The following VSIG10 variants were observed in gnomAD, a reference collection of about 807,000 sequenced individuals.
VSIG10 encodes the protein V-set and immunoglobulin domain containing 10.
VSIG10 carries 48 observed loss-of-function variants against 58.7 expected under a neutral mutation model. The observed-to-expected ratio is 0.82, with a 90% confidence interval of 0.65 to 1.04. The LOEUF (loss-of-function observed/expected upper bound fraction) is 1.04, where lower values mean the gene tolerates loss of function less well. Ranked by LOEUF, VSIG10 falls within the 50% of genes least tolerant of loss-of-function variation. VSIG10 has a pLI of 0.00. For synonymous variants in VSIG10, 260 were observed against 267.1 expected (o/e 0.97, Z 0.26); for missense variants, 628 against 670.0 (o/e 0.94, Z 0.69).
In VSIG10 at chr12:118,089,519, G is replaced by A. The variant is rs991036030; in HGVS notation, c.361+6014C>T. ...AGGAAGCGATGACTAATTATTTTGG[G>A]CAGGTGGACTGAGGGAGACCAGCCA... is the stretch of plus-strand genomic sequence containing the variant. On this transcript the variant is annotated intron_variant, in intron 2 of 8. Transcript: ENST00000359236. Among the ~76,000 whole-genome samples, 5 of 152,264 alleles carry A rather than the reference G, an allele frequency of 3.3e-5. No individual in the cohort carries two copies. In the East Asian group the frequency reaches 9.6e-4, roughly 29 times the overall value.
chr12:118,080,457 G>T (rs2032908114), intron 3 of VSIG10, among the ~76,000 whole-genome samples: 1 of 152,116 alleles, frequency 6.6e-6, no homozygotes, highest in African/African-American at 2.4e-5. Flanking sequence ...ACCGCGCTCA[G>T]CCCCACTCTG....
chr12:118,084,278 G>T (rs1251781667), intron 2 of VSIG10, among the ~76,000 whole-genome samples: 2 of 152,116 alleles, frequency 1.3e-5, no homozygotes, highest in African/African-American at 4.8e-5. Flanking sequence ...AGCTGCAAAA[G>T]GTTCATTTAC....
chr12:118,097,357 T>C (rs1212944582), intron 1 of VSIG10, among the ~76,000 whole-genome samples: 1 of 152,212 alleles, frequency 6.6e-6, no homozygotes, highest in East Asian at 1.9e-4. Flanking sequence ...CTCATGCCTG[T>C]AATTCCAGCA....
At chr12:118,087,855 A>AAAAAAAGAG (rs766337791) in intron 2 of VSIG10, among the ~76,000 whole-genome samples, 5 of 131,234 alleles carry the variant, frequency 3.8e-5, no homozygotes, top group Non-Finnish European at 8.2e-5. Context: ...AAAAAAAAAA[A>AAAAAAAGAG]AGAGAGAGAA....
At chr12:118,068,229 C>A in intron 8 of VSIG10, 148 bp downstream of exon 8, 2 of 300,480 alleles carry the variant, frequency 6.7e-6, no homozygotes, top group Non-Finnish European at 6.1e-6. Context: ...GAGACAGAGT[C>A]TCACCATGTT....
At chr12:118,098,212 G>C (rs1481132243) in intron 1 of VSIG10, among the ~76,000 whole-genome samples, 1 of 151,984 alleles carries the variant, frequency 6.6e-6, no homozygotes, top group Non-Finnish European at 1.5e-5. Flanking sequence ...TGTTTCCACT[G>C]TCCCACTGCT....
chr12:118,071,390 CA>C lies in VSIG10; in HGVS notation c.1298del (p.Leu433ArgfsTer12). On this transcript the variant is annotated frameshift_variant, in exon 6 of 9. Transcript: ENST00000359236. LOFTEE classifies it high-confidence loss of function. ...LLGLAIISGL[L>X]LHYSPVFCWK... ...AGCAGAACACAGGGCTATAATGCAACAGAAGCCCTGAGATAATGGCCAGTCC... is the reference window on the plus strand; with the variant it reads ...AGCAGAACACAGGGCTATAATGCAACGAAGCCCTGAGATAATGGCCAGTCC... The C allele has an allele frequency of 2.5e-6, 4 of 1,613,866 alleles. No individual in the cohort carries two copies. The highest frequency in any genetic ancestry group is 3.4e-6 in the Non-Finnish European group (4 of 1,179,850).
intron 2 of VSIG10, 142 bp from the exon 3 acceptor site, chr12:118,082,571 C>A: frequency 1.2e-6 from 1 of 840,448 alleles, no homozygotes; most frequent in Non-Finnish European, 1.8e-6. Context: ...AAATGCTATG[C>A]CAAGTGCCCT....
Position 118,066,548 on chromosome 12 carries a change from G to A in VSIG10, c.*91C>T. 1 of 1,444,406 alleles carries A rather than the reference G, an allele frequency of 6.9e-7. No homozygotes were observed. 89.5% of individuals were successfully genotyped at this position (1,444,406 alleles called of 1,614,324 possible). A position where few individuals can be genotyped will look rare whatever the true frequency, so the allele number is the denominator to read the frequency against. ...TTGTTAGTGCAAGCCCCCGCCAGGG[G>A]TGCAGGTGGAGTCAAAGCTGAATGA... On this transcript the variant is annotated 3_prime_UTR_variant, in exon 9 of 9. Coordinates refer to ENST00000359236, the MANE Select transcript of VSIG10 (RefSeq NM_019086.6).
At chr12:118,097,317 T>C (rs1412604595) in intron 1 of VSIG10, among the ~76,000 whole-genome samples, 1 of 151,932 alleles carries the variant, frequency 6.6e-6, no homozygotes, top group Non-Finnish European at 1.5e-5. Flanking sequence ...GAAATGCAAA[T>C]CAAAACTGCA....
chr12:118,077,373 T>C (rs1331928549), intron 4 of VSIG10, among the ~76,000 whole-genome samples: 2 of 152,180 alleles, frequency 1.3e-5, no homozygotes, highest in Non-Finnish European at 2.9e-5. Flanking sequence ...CCTCTTCTTA[T>C]AAAGGCCTCC....
intron 1 of VSIG10, among the ~76,000 whole-genome samples, chr12:118,097,460 C>T (rs911724016): frequency 3.7e-4 from 56 of 151,448 alleles, no homozygotes; most frequent in African/African-American, 1.3e-3. Context: ...GCTAAAAATG[C>T]AAAAATTAGC....
In VSIG10 at chr12:118,095,768, C is replaced by A. The variant is rs775933866; in HGVS notation, c.126G>T (p.Leu42=). ...TCAGTCCCGAGATGTTGCCACAGTGCAGAGTAACATTCTCATGAACTTCTC... is the reference window on the plus strand; with the variant it reads ...TCAGTCCCGAGATGTTGCCACAGTGAAGAGTAACATTCTCATGAACTTCTC... ...VIGEVHENVT[L]HCGNISGLRG... Residue 42 remains leucine (L), a synonymous_variant, in exon 2 of 9, where the codon CTG becomes CTT. Transcript: ENST00000359236. The A allele has an allele frequency of 1.2e-6, 2 of 1,612,812 alleles. No homozygotes were observed. The highest frequency in any genetic ancestry group is 1.7e-5 in the Admixed American group (1 of 59,762).
intron 8 of VSIG10, among the ~76,000 whole-genome samples, chr12:118,067,344 C>T (rs1473130721): frequency 6.6e-6 from 1 of 152,060 alleles, no homozygotes; most frequent in Non-Finnish European, 1.5e-5. Flanking sequence ...TGTTGTCCAT[C>T]AGGCAATTAA....
At chr12:118,074,816 C>T (rs940189462) in intron 4 of VSIG10, among the ~76,000 whole-genome samples, 3 of 152,046 alleles carry the variant, frequency 2.0e-5, no homozygotes, top group Non-Finnish European at 4.4e-5. Flanking sequence ...TCTTGCAGTA[C>T]TTTTAAGTAT....
intron 4 of VSIG10, among the ~76,000 whole-genome samples, chr12:118,075,740 T>TA (rs1219638120): frequency 6.6e-6 from 1 of 151,962 alleles, no homozygotes; most frequent in Non-Finnish European, 1.5e-5. Flanking sequence ...AAGGCACTGT[T>TA]ACATGTATTA....
chr12:118,073,736 T>C lies in VSIG10; in HGVS notation c.1182A>G (p.Val394=). 6.2e-7 allele frequency: 1 copy of C among 1,613,808 alleles called. No individual in the cohort carries two copies. The highest frequency in any genetic ancestry group is 8.5e-7 in the Non-Finnish European group (1 of 1,179,810). ...GYYICRADSP[V]GVREMEIWLS... ...GCCAGATTTCCATCTCCCTCACCCC[T>C]ACAGGGCTGTCAGCTCGGCAGATGT... is the stretch of plus-strand genomic sequence containing the variant. Residue 394 remains valine (V), a synonymous_variant, in exon 5 of 9, where the codon GTA becomes GTG. Transcript: ENST00000359236.
intron 7 of VSIG10, among the ~76,000 whole-genome samples, chr12:118,069,953 C>T (rs1000505294): frequency 6.6e-6 from 1 of 152,096 alleles, no homozygotes; most frequent in African/African-American, 2.4e-5. Context: ...CCTACTACAC[C>T]ACACTGATGC....
rs1299391626 is a variant in VSIG10 at position 118,065,367 on chromosome 12, T to C, written c.*1272A>G. The C allele has an allele frequency of 6.6e-6, 1 of 152,258 alleles. No homozygotes were observed. Among genetic ancestry groups the C allele is most frequent in the African/African-American group, 2.4e-5 (1 of 41,466 alleles). 9.4% of individuals were successfully genotyped at this position (152,258 alleles called of 1,614,324 possible). A position where few individuals can be genotyped will look rare whatever the true frequency, so the allele number is the denominator to read the frequency against. On this transcript the variant is annotated 3_prime_UTR_variant, in exon 9 of 9. Coordinates refer to ENST00000359236, the MANE Select transcript of VSIG10 (RefSeq NM_019086.6). ...GTGTATCACCTAGGAGGCTTGTATA[T>C]AAATATGAAGCTCTGCAAAATGTAG...
Sources: allele counts gnomAD v4.1 joint callset (sites outside exome capture counted in the v4.1 genomes callset), GRCh38; gene constraint gnomAD v4.1.1; transcripts MANE v1.5; gene names NCBI Gene and HGNC (gene_info 2026-07-23, HGNC 2026-07-21).